MARK1: variants seen among roughly 807,000 people sequenced by gnomAD.
MARK1 encodes the protein microtubule affinity regulating kinase 1, also known as serine/threonine-protein kinase MARK1.
MARK1 carries 40 observed loss-of-function variants against 96.3 expected under a neutral mutation model. That is an observed-to-expected ratio of 0.42 (90% CI 0.32 to 0.54). The LOEUF (loss-of-function observed/expected upper bound fraction) is 0.54, where lower values mean the gene tolerates loss of function less well. MARK1 is among the 20% of genes least tolerant of loss of function. MARK1 has a pLI of 0.16. For synonymous variants in MARK1, 317 were observed against 341.2 expected, an observed-to-expected ratio of 0.93 and a Z score of 0.78; for missense variants, 719 against 984.6, an observed-to-expected ratio of 0.73 and a Z score of 3.61.
chr1:220,616,090 T>G, intron 7 of MARK1, 95 bp downstream of exon 7: 1 of 608,000 alleles, frequency 1.6e-6, no homozygotes, highest in Non-Finnish European at 2.8e-6. Context: ...ATTGCCTAAC[T>G]GTGCTGCTGG....
At chr1:220,556,995 GA>G (rs1321200307) in intron 1 of MARK1, among the ~76,000 whole-genome samples, 2 of 152,158 alleles carry the variant, frequency 1.3e-5, no homozygotes, top group African/African-American at 4.8e-5. Context: ...GTATTTGAAA[GA>G]TTGTGGCTAG....
intron 6 of MARK1, among the ~76,000 whole-genome samples, chr1:220,611,842 C>G (rs1267156731): frequency 6.6e-6 from 1 of 152,118 alleles, no homozygotes; most frequent in Non-Finnish European, 1.5e-5. Flanking sequence ...AAGCGATTCT[C>G]CTACCTCAGC....
chr1:220,634,783 C>A (rs1667854576), intron 11 of MARK1, among the ~76,000 whole-genome samples: 1 of 152,010 alleles, frequency 6.6e-6, no homozygotes, highest in South Asian at 2.1e-4. Flanking sequence ...TGCAGTTTAC[C>A]ATGCTGAGTT....
chr1:220,612,387 T>C (rs1666501078), intron 6 of MARK1, among the ~76,000 whole-genome samples: 1 of 152,232 alleles, frequency 6.6e-6, no homozygotes, highest in East Asian at 1.9e-4. Context: ...ATAAAGTCTG[T>C]AATATTTTGA....
chr1:220,537,664 T>A (rs1328743474), intron 1 of MARK1, among the ~76,000 whole-genome samples: 1 of 144,320 alleles, frequency 6.9e-6, no homozygotes, highest in Non-Finnish European at 1.5e-5. Context: ...ATCGCCACAC[T>A]GACTTCCACA....
chr1:220,530,040 A>G (rs1381934470), intron 1 of MARK1, among the ~76,000 whole-genome samples: 3 of 152,178 alleles, frequency 2.0e-5, no homozygotes, highest in African/African-American at 7.2e-5. Flanking sequence ...AAAAGGCATG[A>G]GAGAAAGGAT....
At chr1:220,661,259 T>G (rs1669467540) in intron 17 of MARK1, among the ~76,000 whole-genome samples, 1 of 152,158 alleles carries the variant, frequency 6.6e-6, no homozygotes, top group South Asian at 2.1e-4. Flanking sequence ...TTTAAGGATG[T>G]CTTTAGTGAA....
At chr1:220,600,086 C>T (rs1665639981) in intron 5 of MARK1, among the ~76,000 whole-genome samples, 1 of 152,024 alleles carries the variant, frequency 6.6e-6, no homozygotes, top group Admixed American at 6.6e-5. Context: ...TACTTAGGGA[C>T]ATTTTTTGAA....
At chr1:220,593,222 G>A (rs756797842) in intron 3 of MARK1, among the ~76,000 whole-genome samples, 17 of 151,438 alleles carry the variant, frequency 1.1e-4, no homozygotes, top group Non-Finnish European at 2.4e-4. Flanking sequence ...ATATGTTCTC[G>A]GAGGCTTGGG....
At chr1:220,586,271 A>T (rs1664622871) in intron 3 of MARK1, among the ~76,000 whole-genome samples, 1 of 151,988 alleles carries the variant, frequency 6.6e-6, no homozygotes, top group Non-Finnish European at 1.5e-5. Flanking sequence ...AGTGATTTTC[A>T]TCTGCTCCTA....
chr1:220,555,936 G>A (rs528295903), intron 1 of MARK1, among the ~76,000 whole-genome samples: 23 of 152,324 alleles, frequency 1.5e-4, no homozygotes, highest in African/African-American at 5.5e-4. Flanking sequence ...CTGCTAATAT[G>A]TAGATAGACT....
chr1:220,623,094 G>C (rs1667132211), intron 9 of MARK1, among the ~76,000 whole-genome samples: 1 of 152,084 alleles, frequency 6.6e-6, no homozygotes, highest in Non-Finnish European at 1.5e-5. Context: ...TGAGATACCT[G>C]AAATGAAATC....
At chr1:220,608,390 C>T (rs1232777307) in intron 6 of MARK1, among the ~76,000 whole-genome samples, 2 of 152,132 alleles carry the variant, frequency 1.3e-5, no homozygotes, top group Non-Finnish European at 1.5e-5. Context: ...TCTGTGGGAT[C>T]AATGGTGATA....
intron 3 of MARK1, among the ~76,000 whole-genome samples, chr1:220,583,887 C>T (rs1222951021): frequency 2.1e-5 from 3 of 141,970 alleles, no homozygotes; most frequent in Non-Finnish European, 3.0e-5. Context: ...AGGATGGTCT[C>T]GATCTCCTGA....
At chr1:220,543,538 C>A (rs1661284316) in intron 1 of MARK1, among the ~76,000 whole-genome samples, 1 of 152,116 alleles carries the variant, frequency 6.6e-6, no homozygotes, top group Non-Finnish European at 1.5e-5. Context: ...AGTTTAGAGG[C>A]CATTCTATGC....
At chr1:220,657,694 G>T (rs565767360) in intron 16 of MARK1, 96 bp from the exon 17 acceptor site, 2 of 834,912 alleles carry the variant, frequency 2.4e-6, no homozygotes, top group East Asian at 3.0e-5. Context: ...GTAGAAGTTT[G>T]CTCAACAAGC....
At chr1:220,528,896 G>T in intron 1 of MARK1, 23 bp downstream of exon 1, 1 of 1,550,536 alleles carries the variant, frequency 6.4e-7, no homozygotes, top group East Asian at 2.5e-5. Context: ...AGCCTCCCTC[G>T]GGAGCAGTGG....
At chr1:220,579,622 T>TA in intron 2 of MARK1, 65 bp downstream of exon 2, 2 of 1,318,310 alleles carry the variant, frequency 1.5e-6, no homozygotes, top group Non-Finnish European at 2.2e-6. Context: ...AAAGCTTCCT[T>TA]ATAGCCCATG....
At chr1:220,638,399 C>G (rs913746202) in intron 13 of MARK1, among the ~76,000 whole-genome samples, 1 of 152,138 alleles carries the variant, frequency 6.6e-6, no homozygotes, top group Non-Finnish European at 1.5e-5. Flanking sequence ...TGGACAGAAT[C>G]TTTTATGGCC....
Sources: gnomAD v4.1 joint callset for allele counts (sites outside exome capture counted in the v4.1 genomes callset) on GRCh38, gnomAD v4.1.1 for gene constraint, MANE v1.5 for transcripts, NCBI Gene and HGNC (gene_info 2026-07-23, HGNC 2026-07-21) for gene names.